Variants in MMP26 observed in about 807,000 individuals in gnomAD.
The protein encoded by MMP26 is matrix metalloproteinase-26.
A neutral mutation model predicts 31.0 loss-of-function variants in MMP26; 33 were observed. The observed-to-expected ratio is 1.06, with a 90% CI of 0.81 to 1.42. MMP26 has a LOEUF of 1.42. Ranked by LOEUF, MMP26 falls within the 40% of genes most tolerant of loss-of-function variation. MMP26 has a pLI of 0.00. For missense variants in MMP26, 347 were observed against 316.1 expected (o/e 1.10, Z -0.74); for synonymous variants, 122 against 114.9 (o/e 1.06, Z -0.40).
chr11:4,968,491 AG>A (rs1488068604), intron 2 of MMP26, among the ~76,000 whole-genome samples: 2 of 150,688 alleles, frequency 1.3e-5, no homozygotes, highest in African/African-American at 4.9e-5. Context: ...ATAAAAAAAA[AG>A]AGTTATTTTA....
intron 2 of MMP26, among the ~76,000 whole-genome samples, chr11:4,978,250 G>A (rs1846766255): frequency 6.6e-6 from 1 of 152,006 alleles, no homozygotes; most frequent in Non-Finnish European, 1.5e-5. Flanking sequence ...TTACAGTAGT[G>A]CAAAAATGGA....
chr11:4,733,243 A>G (rs1237341925), intron 1 of MMP26, among the ~76,000 whole-genome samples: 1 of 152,228 alleles, frequency 6.6e-6, no homozygotes, highest in East Asian at 1.9e-4. Flanking sequence ...CCAACTTGGA[A>G]ATTGCAGCCA....
Position 4,829,403 on chromosome 11 carries a change from T to C in MMP26, c.-145+62062T>C, listed in dbSNP as rs535560986. 4.6e-5 allele frequency among the ~76,000 whole-genome samples: 7 copies of C among 152,310 alleles called. No homozygotes were observed. In the South Asian group the frequency reaches 1.2e-3, roughly 27 times the overall value. The stretch of plus-strand genomic sequence containing the variant: ...GGCTATCTAAGTTGGTTCATTTATG[T>C]GATATACTTTGTTTCAGGCCAATAG... On this transcript the variant is annotated intron_variant, in intron 2 of 7. Transcript: ENST00000380390.
chr11:4,769,891 A>T, intron 2 of MMP26: 1 of 1,609,382 alleles, frequency 6.2e-7, no homozygotes. Flanking sequence ...TTGGAAATTT[A>T]GATGTTGAGT....
chr11:4,781,804 C>A (rs1473202321), intron 2 of MMP26, among the ~76,000 whole-genome samples: 1 of 151,974 alleles, frequency 6.6e-6, no homozygotes, highest in Non-Finnish European at 1.5e-5. Flanking sequence ...GGGGGCAGGT[C>A]TTTCCCATAC....
At chr11:4,715,534 C>T (rs1439481044) in intron 1 of MMP26, among the ~76,000 whole-genome samples, 4 of 152,106 alleles carry the variant, frequency 2.6e-5, no homozygotes, top group Non-Finnish European at 4.4e-5. Context: ...TAAGCAAGCA[C>T]ATTAGTGTGA....
intron 2 of MMP26, among the ~76,000 whole-genome samples, chr11:4,790,620 G>A (rs1849013188): frequency 6.6e-6 from 1 of 152,176 alleles, no homozygotes; most frequent in African/African-American, 2.4e-5. Flanking sequence ...AATGAGGGTG[G>A]TGTATGAGCA....
At chr11:4,986,687 T>C (rs557128062) in intron 2 of MMP26, among the ~76,000 whole-genome samples, 709 of 151,246 alleles carry the variant, frequency 4.7e-3, no homozygotes, top group Non-Finnish European at 7.2e-3. Flanking sequence ...CCTGTCACCA[T>C]GCTGGGCTAA....
At chr11:4,722,704 G>C in intron 1 of MMP26, 2 of 757,784 alleles carry the variant, frequency 2.6e-6, no homozygotes, top group East Asian at 4.9e-5. Context: ...AGCCGCAGGA[G>C]GGGCAGGCTG....
At chr11:4,846,782 G>A (rs1342756783) in intron 2 of MMP26, among the ~76,000 whole-genome samples, 6 of 152,198 alleles carry the variant, frequency 3.9e-5, no homozygotes, top group Non-Finnish European at 1.5e-5. Flanking sequence ...GTGATTAATT[G>A]TATTGGCATC....
At chr11:4,705,816 C>A (rs1589879140) in intron 1 of MMP26, among the ~76,000 whole-genome samples, 1 of 152,036 alleles carries the variant, frequency 6.6e-6, no homozygotes, top group Non-Finnish European at 1.5e-5. Flanking sequence ...GGTGAAACCC[C>A]ATCTCTACTA....
chr11:4,908,201 A>T, intron 2 of MMP26: 2 of 1,614,158 alleles, frequency 1.2e-6, no homozygotes, highest in East Asian at 2.2e-5. Flanking sequence ...TATTGCAGAT[A>T]TGTTCTTGTT....
chr11:4,873,713 T>C (rs532638241), intron 2 of MMP26, among the ~76,000 whole-genome samples: 52 of 152,178 alleles, frequency 3.4e-4, no homozygotes, highest in African/African-American at 1.3e-3. Context: ...CTGAACTTTA[T>C]TGAGTCTTTA....
At chr11:4,896,045 T>A (rs7932754) in intron 2 of MMP26, among the ~76,000 whole-genome samples, 57,643 of 151,870 alleles carry the variant, frequency 0.38, 12,162 homozygotes, top group East Asian at 0.63. Context: ...CATTGAAACC[T>A]TATTGTTTGT....
chr11:4,769,976 A>AT, intron 2 of MMP26: 1 of 798,604 alleles, frequency 1.3e-6, no homozygotes, highest in Non-Finnish European at 2.1e-6. Flanking sequence ...GAAGTGATAC[A>AT]TTAAGTGTTA....
intron 2 of MMP26, among the ~76,000 whole-genome samples, chr11:4,816,437 A>G (rs1849420254): frequency 1.3e-5 from 2 of 152,004 alleles, no homozygotes; most frequent in Non-Finnish European, 2.9e-5. Context: ...TGATTTGTTC[A>G]TTGCTGAAAG....
intron 2 of MMP26, among the ~76,000 whole-genome samples, chr11:4,843,571 C>T (rs1237020260): frequency 6.6e-6 from 1 of 152,230 alleles, no homozygotes; most frequent in African/African-American, 2.4e-5. Context: ...CTCAAGGATG[C>T]ATAGATCAAT....
intron 2 of MMP26, among the ~76,000 whole-genome samples, chr11:4,779,362 T>C (rs1848829573): frequency 6.6e-6 from 1 of 152,066 alleles, no homozygotes; most frequent in Non-Finnish European, 1.5e-5. Context: ...CGTTGCACGA[T>C]TTTTAAATGT....
intron 2 of MMP26, among the ~76,000 whole-genome samples, chr11:4,793,194 G>C (rs998383445): frequency 6.6e-6 from 1 of 152,028 alleles, no homozygotes; most frequent in Non-Finnish European, 1.5e-5. Context: ...TATAGTTCCA[G>C]GTATTATAAA....
Sources: allele counts gnomAD v4.1 joint callset (sites outside exome capture counted in the v4.1 genomes callset), GRCh38; gene constraint gnomAD v4.1.1; transcripts MANE v1.5; gene names NCBI Gene and HGNC (gene_info 2026-07-23, HGNC 2026-07-21).